Variants in C8B observed in about 807,000 individuals in gnomAD.
The protein encoded by C8B is complement component C8 beta chain.
In C8B, 67 loss-of-function variants were observed where a neutral mutation model predicts 64.6. The ratio of observed to expected loss-of-function variants is 1.04; its 90% CI spans 0.85 to 1.27. The LOEUF (loss-of-function observed/expected upper bound fraction) is 1.27. Ranked by LOEUF, C8B falls within the 50% of genes most tolerant of loss-of-function variation. The pLI is 0.00. For synonymous variants in C8B, 284 were observed against 257.7 expected (o/e 1.10, Z -0.98); for missense variants, 790 against 725.2 (o/e 1.09, Z -1.03).
intron 1 of C8B, among the ~76,000 whole-genome samples, chr1:56,960,672 G>A (rs949719700): frequency 2.0e-5 from 3 of 152,344 alleles, no homozygotes; most frequent in East Asian, 1.9e-4. Flanking sequence ...TGGCCAGGGC[G>A]AGAGGATGGG....
At chr1:56,965,311 G>A (rs61767007) in intron 1 of C8B, among the ~76,000 whole-genome samples, 10,781 of 151,806 alleles carry the variant, frequency 0.071, 473 homozygotes, top group African/African-American at 0.12. Context: ...TTTGCACCTT[G>A]TTAATGGAGA....
At chr1:56,956,281 T>C (rs866529046) in intron 3 of C8B, among the ~76,000 whole-genome samples, 2 of 152,210 alleles carry the variant, frequency 1.3e-5, no homozygotes, top group African/African-American at 2.4e-5. Flanking sequence ...AGAGCTCTCA[T>C]AGCTATGATG....
chr1:56,936,697 C>T (rs144419614), intron 9 of C8B, among the ~76,000 whole-genome samples: 2,437 of 151,724 alleles, frequency 0.016, 69 homozygotes, highest in African/African-American at 0.056. Flanking sequence ...TGGGTTCAAG[C>T]GATTCTCCTG....
intron 6 of C8B, among the ~76,000 whole-genome samples, chr1:56,947,230 G>T (rs1173652593): frequency 6.6e-6 from 1 of 152,140 alleles, no homozygotes; most frequent in African/African-American, 2.4e-5. Context: ...GTTGTCTTCA[G>T]AATAAAATCA....
chr1:56,929,492 G>A lies in C8B; in HGVS notation c.1688C>T (p.Thr563Ile). 2 of 1,613,760 alleles carry A rather than the reference G, an allele frequency of 1.2e-6. No individual in the cohort carries two copies. Among genetic ancestry groups the A allele is most frequent in the Non-Finnish European group, 1.7e-6 (2 of 1,179,904 alleles). Residue 563 changes from threonine (T) to isoleucine (I), a missense_variant, in exon 12 of 12, where the codon ACA becomes ATA. Thr to Ile is a moderately conservative substitution (Grantham distance 89). Coordinates refer to ENST00000371237, the MANE Select transcript of C8B (RefSeq NM_000066.4). ...NWSSCSGRRK[T>I]RQRQCNNPPP... is the part of the protein sequence containing the mutation. ...TGGATTGTTACACTGCCTTTGTCTTGTCTTACGTCTTCCAGAGCATGAAGA... is the reference window on the plus strand; with the variant it reads ...TGGATTGTTACACTGCCTTTGTCTTATCTTACGTCTTCCAGAGCATGAAGA...
At position 56,929,451 on chromosome 1, in the gene C8B, C is replaced by T; in HGVS notation, c.1729G>A (p.Gly577Ser). Residue 577 changes from glycine to serine, a missense_variant, in exon 12 of 12, where the codon GGT becomes AGT. By Grantham distance (56) the Gly-to-Ser change is moderately conservative. Coordinates refer to ENST00000371237, the MANE Select transcript of C8B (RefSeq NM_000066.4). ...QCNNPPPQNG[G>S]SPCSGPASET... ...GAAGCAGGGCCTGAACAGGGGCTAC[C>T]CCCATTTTGAGGAGGTGGATTGTTA... 6.2e-7 allele frequency: 1 copy of T among 1,612,742 alleles called. No homozygotes were observed. The highest frequency in any genetic ancestry group is 8.5e-7 in the Non-Finnish European group (1 of 1,179,910).
intron 9 of C8B, among the ~76,000 whole-genome samples, chr1:56,939,019 ATC>A (rs1644813168): frequency 6.6e-6 from 1 of 152,108 alleles, no homozygotes; most frequent in East Asian, 1.9e-4. Context: ...CTCCCAAAAC[ATC>A]TCTGATTCTC....
chr1:56,943,578 G>T, intron 8 of C8B, 118 bp downstream of exon 8: 6 of 1,165,860 alleles, frequency 5.1e-6, no homozygotes, highest in East Asian at 2.4e-5. Context: ...GAAGGACATA[G>T]TTGGCCTAGA....
chr1:56,944,512 T>C (rs1644913672), intron 7 of C8B, among the ~76,000 whole-genome samples: 1 of 152,168 alleles, frequency 6.6e-6, no homozygotes, highest in Non-Finnish European at 1.5e-5. Flanking sequence ...GTGCATTTCT[T>C]GAAACATGAA....
chr1:56,945,069 T>C (rs987900310), intron 7 of C8B, among the ~76,000 whole-genome samples: 2 of 152,156 alleles, frequency 1.3e-5, no homozygotes, highest in Admixed American at 6.5e-5. Context: ...TAAAGTATGG[T>C]CTATTGGCCA....
chr1:56,954,009 G>A (rs528228963), intron 4 of C8B, among the ~76,000 whole-genome samples: 44 of 152,252 alleles, frequency 2.9e-4, no homozygotes, highest in South Asian at 1.5e-3. Context: ...AATCCCATTC[G>A]GGGTCAGTGT....
chr1:56,954,567 C>A, intron 4 of C8B, 119 bp downstream of exon 4: 2 of 1,381,178 alleles, frequency 1.4e-6, no homozygotes, highest in Admixed American at 1.7e-5. Context: ...ACAATACAGT[C>A]TTTTCTCAGA....
chr1:56,942,422 C>T (rs114102078), intron 8 of C8B, among the ~76,000 whole-genome samples: 3,901 of 152,288 alleles, frequency 0.026, 190 homozygotes, highest in African/African-American at 0.089. Context: ...TGTAAAACAG[C>T]CCAGCGTGGT....
intron 7 of C8B, among the ~76,000 whole-genome samples, chr1:56,945,522 C>T (rs759196032): frequency 7.9e-5 from 12 of 152,154 alleles, no homozygotes; most frequent in South Asian, 2.1e-4. Flanking sequence ...CATAAACTCT[C>T]GGGTGCAGGA....
intron 11 of C8B, among the ~76,000 whole-genome samples, chr1:56,930,258 C>T (rs1467322954): frequency 6.6e-6 from 1 of 152,222 alleles, no homozygotes; most frequent in Non-Finnish European, 1.5e-5. Context: ...GACACCAGTG[C>T]TTTCCACACC....
At chr1:56,952,338 C>T (rs868822347) in intron 4 of C8B, among the ~76,000 whole-genome samples, 158 bp from the exon 5 acceptor site, 17 of 152,212 alleles carry the variant, frequency 1.1e-4, no homozygotes, top group African/African-American at 1.4e-4. Context: ...TTTATGGCCG[C>T]CCTTAACCAC....
intron 1 of C8B, among the ~76,000 whole-genome samples, chr1:56,962,818 C>T (rs531788469): frequency 6.6e-6 from 1 of 152,172 alleles, no homozygotes; most frequent in Non-Finnish European, 1.5e-5. Flanking sequence ...AATTTGATGT[C>T]TATACACTAT....
intron 11 of C8B, 67 bp downstream of exon 11, chr1:56,931,743 C>T (rs1644704031): frequency 1.8e-6 from 2 of 1,082,864 alleles, no homozygotes; most frequent in East Asian, 2.4e-5. Context: ...TCCACACCAG[C>T]TCCTTGCTCT....
intron 3 of C8B, among the ~76,000 whole-genome samples, chr1:56,956,224 C>T (rs962345636): frequency 6.6e-6 from 1 of 152,204 alleles, no homozygotes; most frequent in African/African-American, 2.4e-5. Flanking sequence ...TCATATTCTA[C>T]TTAACCCCAG....
Sources: gnomAD v4.1 joint callset for allele counts (sites outside exome capture counted in the v4.1 genomes callset) on GRCh38, gnomAD v4.1.1 for gene constraint, MANE v1.5 for transcripts, NCBI Gene and HGNC (gene_info 2026-07-23, HGNC 2026-07-21) for gene names.